Variants in BCAS3 observed in about 807,000 individuals in gnomAD.
BCAS3 encodes BCAS4/BCAS3 fusion.
BCAS3 carries 53 observed loss-of-function variants against 116.1 expected under a neutral mutation model. That is an observed-to-expected ratio of 0.46 (90% CI 0.37 to 0.57). The LOEUF (loss-of-function observed/expected upper bound fraction) is 0.57, where lower values mean the gene tolerates loss of function less well. Ranked by LOEUF, BCAS3 falls within the 20% of genes least tolerant of loss-of-function variation. The pLI is 0.00. For missense variants in BCAS3, 917 were observed against 1,165.4 expected (o/e 0.79, Z 3.10); for synonymous variants, 391 against 408.2 (o/e 0.96, Z 0.51).
At chr17:61,290,607 C>A (rs2052293523) in intron 22 of BCAS3, among the ~76,000 whole-genome samples, 1 of 152,078 alleles carries the variant, frequency 6.6e-6, no homozygotes, top group Non-Finnish European at 1.5e-5. Context: ...AATTTGGGTG[C>A]CTCTAATTTG....
At chr17:60,820,397 A>G (rs904044797) in intron 7 of BCAS3, among the ~76,000 whole-genome samples, 2 of 152,172 alleles carry the variant, frequency 1.3e-5, no homozygotes, top group African/African-American at 4.8e-5. Context: ...CATCCCAGTC[A>G]GAAACTAGGG....
chr17:61,274,311 C>G, intron 22 of BCAS3, among the ~76,000 whole-genome samples: 1 of 101,566 alleles, frequency 9.8e-6, no homozygotes, highest in South Asian at 3.2e-4. Context: ...TTTTTTGAGA[C>G]AAGTTCTCAG....
Position 61,214,747 on chromosome 17 carries a change from T to C in BCAS3, c.2425+130183T>C, listed in dbSNP as rs1216493794. ...AACATTTTTTAATGAACTATAGGGA[T>C]ATTTTGATGGACTGTTCTTTGGAAT... On this transcript the variant is annotated intron_variant, in intron 22 of 23. Transcript: ENST00000407086. This position sits in a 1 kb window ranked among gnomAD's most constrained non-coding sequence, Gnocchi z 4.4. 6.6e-6 allele frequency among the ~76,000 whole-genome samples: 1 copy of C among 152,122 alleles called. No individual in the cohort carries two copies. Among genetic ancestry groups the C allele is most frequent in the Non-Finnish European group, 1.5e-5 (1 of 68,008 alleles).
intron 19 of BCAS3, among the ~76,000 whole-genome samples, chr17:61,045,845 CT>C: frequency 2.7e-4 from 1 of 3,704 alleles, no homozygotes; most frequent in African/African-American, 9.2e-4. Context: ...CTCTCTCTCT[CT>C]CTCTATATAT....
At chr17:61,271,666 G>A (rs528570604) in intron 22 of BCAS3, among the ~76,000 whole-genome samples, 9 of 148,188 alleles carry the variant, frequency 6.1e-5, no homozygotes, top group Non-Finnish European at 1.0e-4. Flanking sequence ...CATGTTGACC[G>A]GGCTGGTTTC....
chr17:60,862,865 G>A (rs1235551983), intron 7 of BCAS3, among the ~76,000 whole-genome samples: 1 of 151,952 alleles, frequency 6.6e-6, no homozygotes, highest in African/African-American at 2.4e-5. Context: ...CATGGCACTT[G>A]CCTTTTCATT....
In BCAS3 at chr17:61,051,208, C is replaced by T. The variant is rs938522844; in HGVS notation, c.2029+10316C>T. On this transcript the variant is annotated intron_variant, in intron 19 of 23. Transcript: ENST00000407086. The surrounding 1 kb of genome is among the most constrained non-coding windows in gnomAD (Gnocchi z 4.1). ...TAAAAGCCCATCTCCAAAGTTTCCA[C>T]ACTGCATGATTTCATTTATATAACA... Among the ~76,000 whole-genome samples the T allele has an allele frequency of 6.6e-6, 1 of 151,964 alleles. No homozygotes were observed. The highest frequency in any genetic ancestry group is 2.4e-5 in the African/African-American group (1 of 41,400).
At chr17:60,718,085 A>C (rs950343691) in intron 5 of BCAS3, among the ~76,000 whole-genome samples, 2 of 152,166 alleles carry the variant, frequency 1.3e-5, no homozygotes, top group African/African-American at 4.8e-5. Context: ...CAAGAGGCAG[A>C]GCTTAGGCAG....
intron 5 of BCAS3, among the ~76,000 whole-genome samples, chr17:60,742,695 A>G (rs1024817611): frequency 4.0e-5 from 6 of 151,018 alleles, no homozygotes; most frequent in African/African-American, 1.5e-4. Context: ...GGCCTCCCAA[A>G]GTGTTGGGAT....
At chr17:60,736,684 G>T (rs1247044640) in intron 5 of BCAS3, among the ~76,000 whole-genome samples, 2 of 152,122 alleles carry the variant, frequency 1.3e-5, no homozygotes, top group South Asian at 2.1e-4. Context: ...TAATTACTGA[G>T]TCAATTTCTT....
chr17:60,993,818 G>T lies in BCAS3; in HGVS notation c.1486+3583G>T, dbSNP rs146597025. On this transcript the variant is annotated intron_variant, in intron 15 of 23. Transcript: ENST00000407086. The surrounding 1 kb of genome is among the most constrained non-coding windows in gnomAD (Gnocchi z 4.2). ...CTGTTAAATAACAGTTGATATAGGGGTATTTCCTTTTTACTCTTTGGACCC... is the reference window on the plus strand; with the variant it reads ...CTGTTAAATAACAGTTGATATAGGGTTATTTCCTTTTTACTCTTTGGACCC... Among the ~76,000 whole-genome samples, 132 of 152,126 alleles carry T rather than the reference G, an allele frequency of 8.7e-4. No individual in the cohort carries two copies. In the Middle Eastern group the frequency reaches 0.01, roughly 12 times the overall value.
In BCAS3 at chr17:61,347,617, C is replaced by T. The variant is rs190605043; in HGVS notation, c.2426-20710C>T. Among the ~76,000 whole-genome samples, 90 of 152,306 alleles carry T rather than the reference C, an allele frequency of 5.9e-4. No homozygotes were observed. Among genetic ancestry groups the T allele is most frequent in the African/African-American group, 2.0e-3 (84 of 41,572 alleles). On this transcript the variant is annotated intron_variant, in intron 22 of 23. Transcript: ENST00000407086. The surrounding 1 kb of genome is among the most constrained non-coding windows in gnomAD (Gnocchi z 4.3). ...AAAATATTTTATTGCTTTTGTCTGT[C>T]TCCTTTACCAAATTTCCCATCATCC...
chr17:60,761,184 T>C (rs573922092), intron 6 of BCAS3, among the ~76,000 whole-genome samples: 1 of 152,212 alleles, frequency 6.6e-6, no homozygotes, highest in African/African-American at 2.4e-5. Context: ...TTAAAATCAG[T>C]ATTTTGAATT....
chr17:60,772,880 A>G (rs1335530621), intron 6 of BCAS3, among the ~76,000 whole-genome samples: 1 of 152,150 alleles, frequency 6.6e-6, no homozygotes, highest in African/African-American at 2.4e-5. Flanking sequence ...CTCAGAAAAA[A>G]AAAGGGGGGC....
chr17:61,015,746 T>G lies in BCAS3; in HGVS notation c.1487-5T>G, dbSNP rs765524961. 59 of 1,613,740 alleles carry G rather than the reference T, an allele frequency of 3.7e-5. No homozygotes were observed. The highest frequency in any genetic ancestry group is 4.6e-5 in the Non-Finnish European group (54 of 1,179,808). ...TGATGCTTTTCTTTATTTTTCTCTTTGTAGGGAAACTGAACAGCCAAGACT... is the reference window on the plus strand; with the variant it reads ...TGATGCTTTTCTTTATTTTTCTCTTGGTAGGGAAACTGAACAGCCAAGACT... On this transcript the variant is annotated splice_polypyrimidine_tract_variant and splice_region_variant and intron_variant, in intron 15 of 23. Coordinates refer to ENST00000407086, the MANE Select transcript of BCAS3 (RefSeq NM_017679.5).
At chr17:61,147,328 A>T (rs1336336310) in intron 22 of BCAS3, among the ~76,000 whole-genome samples, 1 of 151,982 alleles carries the variant, frequency 6.6e-6, no homozygotes, top group African/African-American at 2.4e-5. Context: ...CGCCCGCCTC[A>T]GCCTCCCAAA....
chr17:60,792,149 T>A (rs1254513180), intron 6 of BCAS3, among the ~76,000 whole-genome samples: 1 of 151,746 alleles, frequency 6.6e-6, no homozygotes, highest in Non-Finnish European at 1.5e-5. Context: ...CAAACAAAAA[T>A]CCCCGTTGTG....
Position 60,964,569 on chromosome 17 carries a change from A to G in BCAS3, c.1221+17217A>G, listed in dbSNP as rs374414805. Among the ~76,000 whole-genome samples the G allele has an allele frequency of 3.3e-4, 51 of 152,274 alleles. No individual in the cohort carries two copies. In the South Asian group the frequency reaches 9.5e-3, roughly 28 times the overall value. On this transcript the variant is annotated intron_variant, in intron 14 of 23. Transcript: ENST00000407086. The surrounding 1 kb of genome is among the most constrained non-coding windows in gnomAD (Gnocchi z 4.6). Reference sequence around the variant, plus strand: ...GGCCTTATAGAATGAGTTTGGAAGTATGTCCTCCTCTTCAATTTTTTTGAA... The same window carrying G: ...GGCCTTATAGAATGAGTTTGGAAGTGTGTCCTCCTCTTCAATTTTTTTGAA...
chr17:61,230,723 ACTATT>A (rs2082626069), intron 22 of BCAS3, among the ~76,000 whole-genome samples: 1 of 152,130 alleles, frequency 6.6e-6, no homozygotes, highest in African/African-American at 2.4e-5. Flanking sequence ...CCATGTCTTT[ACTATT>A]GTGAATAGTG....
Sources: allele counts gnomAD v4.1 joint callset (sites outside exome capture counted in the v4.1 genomes callset), GRCh38; gene constraint gnomAD v4.1.1; non-coding constraint Gnocchi (gnomAD v3.1); transcripts MANE v1.5; gene names NCBI Gene and HGNC (gene_info 2026-07-23, HGNC 2026-07-21).